Variants in PRH1 observed in about 807,000 individuals in gnomAD.
The protein encoded by PRH1 is salivary acidic proline-rich phosphoprotein 1/2.
PRH1 carries 7 observed loss-of-function variants against 7.9 expected under a neutral mutation model. The ratio of observed to expected loss-of-function variants is 0.89; its 90% CI spans 0.50 to 1.67. The LOEUF is 1.67. PRH1 is among the 40% of genes most tolerant of loss of function. PRH1 has a pLI of 0.00. For missense variants in PRH1, 109 were observed against 223.6 expected (o/e 0.49, Z 3.27); for synonymous variants, 45 against 80.8 (o/e 0.56, Z 2.38).
intron 1 of PRH1, among the ~76,000 whole-genome samples, chr12:11,129,675 A>G (rs953967442): frequency 1.2e-4 from 18 of 152,420 alleles, no homozygotes; most frequent in Admixed American, 2.0e-4. Flanking sequence ...AGCTTCTGGT[A>G]CTTTTTGTGG....
At chr12:11,058,629 C>G (rs1203426299) in intron 1 of PRH1, among the ~76,000 whole-genome samples, 3 of 152,284 alleles carry the variant, frequency 2.0e-5, no homozygotes, top group Non-Finnish European at 4.4e-5. Context: ...GATATAGGTT[C>G]TGATCCAAAC....
At chr12:11,012,293 G>A (rs372926592) in intron 1 of PRH1, among the ~76,000 whole-genome samples, 2 of 152,056 alleles carry the variant, frequency 1.3e-5, no homozygotes, top group South Asian at 4.1e-4. Flanking sequence ...AGAAGATCTT[G>A]GAGTCAGTCT....
intron 2 of PRH1, among the ~76,000 whole-genome samples, chr12:10,902,881 C>A (rs1949743259): frequency 6.6e-6 from 1 of 152,122 alleles, no homozygotes; most frequent in Non-Finnish European, 1.5e-5. Context: ...GAGTTCTAAA[C>A]ATGAAAATCT....
chr12:10,943,707 T>C (rs1950440138), intron 2 of PRH1, among the ~76,000 whole-genome samples: 1 of 152,182 alleles, frequency 6.6e-6, no homozygotes, highest in Non-Finnish European at 1.5e-5. Context: ...GGTTTCTTTT[T>C]ACATTTAGGT....
chr12:10,955,041 A>G (rs1937885200), intron 2 of PRH1, among the ~76,000 whole-genome samples: 1 of 152,178 alleles, frequency 6.6e-6, no homozygotes, highest in African/African-American at 2.4e-5. Flanking sequence ...GAAAACTAAC[A>G]AAGTTATTCA....
At chr12:10,937,202 ATTTCTCTC>A (rs1205514491) in intron 2 of PRH1, among the ~76,000 whole-genome samples, 1 of 62,840 alleles carries the variant, frequency 1.6e-5, no homozygotes, top group African/African-American at 5.6e-5. Flanking sequence ...TTGCAATTTT[ATTTCTCTC>A]TCTCTCTCTC....
intron 1 of PRH1, among the ~76,000 whole-genome samples, chr12:11,160,811 C>T (rs961261942): frequency 6.6e-6 from 1 of 152,088 alleles, no homozygotes; most frequent in Non-Finnish European, 1.5e-5. Flanking sequence ...AAGAAAAGAA[C>T]TAATATTCAA....
At chr12:10,974,497 A>T (rs1341089083) in intron 1 of PRH1, among the ~76,000 whole-genome samples, 1 of 152,204 alleles carries the variant, frequency 6.6e-6, no homozygotes, top group African/African-American at 2.4e-5. Context: ...TCCCAGAGTT[A>T]CGGCATTCAG....
intron 1 of PRH1, chr12:11,134,178 C>G: frequency 6.2e-7 from 1 of 1,613,872 alleles, no homozygotes; most frequent in Non-Finnish European, 8.5e-7. Context: ...AAGCCATTAG[C>G]AAAATTTCCA....
intron 1 of PRH1, among the ~76,000 whole-genome samples, chr12:10,976,952 C>T (rs780483486): frequency 6.6e-6 from 1 of 152,040 alleles, no homozygotes; most frequent in Non-Finnish European, 1.5e-5. Flanking sequence ...AAGCCCAGGA[C>T]CAGACAGATT....
intron 1 of PRH1, chr12:11,134,514 C>T (rs1247856595): frequency 4.8e-6 from 2 of 414,684 alleles, no homozygotes; most frequent in Non-Finnish European, 8.5e-6. Flanking sequence ...TTGTTATAGG[C>T]TGGAATTATT....
chr12:10,902,917 C>T (rs552766345), intron 2 of PRH1, among the ~76,000 whole-genome samples: 34 of 152,224 alleles, frequency 2.2e-4, no homozygotes, highest in Admixed American at 1.3e-3. Flanking sequence ...CACCTAAGCA[C>T]ATAGCCCAAG....
At chr12:11,070,349 A>G (rs1460053997) in intron 1 of PRH1, among the ~76,000 whole-genome samples, 4 of 151,776 alleles carry the variant, frequency 2.6e-5, no homozygotes, top group Non-Finnish European at 5.9e-5. Flanking sequence ...CACACTGCGC[A>G]TGCTCACCTC....
chr12:10,987,694 C>G (rs970285305), intron 1 of PRH1, among the ~76,000 whole-genome samples: 8 of 130,010 alleles, frequency 6.2e-5, no homozygotes, highest in African/African-American at 2.6e-4. Context: ...GGTTTTCAGA[C>G]CCCCCCCAAA....
intron 1 of PRH1, among the ~76,000 whole-genome samples, chr12:11,109,399 A>G (rs1453898583): frequency 6.6e-6 from 1 of 152,184 alleles, no homozygotes. Context: ...AATGGTGGAC[A>G]GAAACCTCAT....
intron 1 of PRH1, among the ~76,000 whole-genome samples, chr12:11,075,836 G>A (rs77720685): frequency 0.4 from 32,369 of 80,562 alleles, 3,381 homozygotes; most frequent in Non-Finnish European, 0.5. Flanking sequence ...CAAGAGTTTC[G>A]TTTTCACTGG....
At chr12:10,977,615 A>G (rs900899605) in intron 1 of PRH1, among the ~76,000 whole-genome samples, 1 of 152,206 alleles carries the variant, frequency 6.6e-6, no homozygotes, top group Non-Finnish European at 1.5e-5. Context: ...AAGAAGTCAA[A>G]CTATCCCTGT....
intron 2 of PRH1, among the ~76,000 whole-genome samples, chr12:10,904,162 G>GA (rs907058656): frequency 4.1e-4 from 59 of 142,698 alleles, no homozygotes; most frequent in South Asian, 6.7e-4. Context: ...CACAGAACTA[G>GA]AAAAAAAAAA....
At chr12:10,937,839 T>A (rs3936285) in intron 2 of PRH1, 2,347 of 154,432 alleles carry the variant, frequency 0.015, 21 homozygotes, top group South Asian at 0.031. Flanking sequence ...TATACAAAAA[T>A]TAAAAACACT....
Sources: gnomAD v4.1 joint callset for allele counts (sites outside exome capture counted in the v4.1 genomes callset) on GRCh38, gnomAD v4.1.1 for gene constraint, MANE v1.5 for transcripts, NCBI Gene and HGNC (gene_info 2026-07-23, HGNC 2026-07-21) for gene names.